Variants in PRKCE observed in about 807,000 individuals in gnomAD.
PRKCE encodes protein kinase C epsilon type.
Under a neutral mutation model 85.4 loss-of-function variants are expected in PRKCE, and 16 were observed. The observed-to-expected ratio is 0.19, with a 90% CI of 0.13 to 0.28. The LOEUF (loss-of-function observed/expected upper bound fraction) is 0.28. Among genes scored for constraint, PRKCE ranks in the 10% least tolerant of loss-of-function variants. The pLI, the probability that PRKCE is intolerant of heterozygous loss-of-function variation, is 1.00. For missense variants in PRKCE, 573 were observed against 975.2 expected (o/e 0.59, Z 5.49); for synonymous variants, 388 against 371.5 (o/e 1.04, Z -0.51).
rs397781944 is a variant in PRKCE at position 45,941,065 on chromosome 2, T to TAAAAAAAAAAAAAAAAAAA, written c.413-35360_413-35342dup. 2.4e-4 allele frequency among the ~76,000 whole-genome samples: 16 copies of TAAAAAAAAAAAAAAAAAAA among 67,162 alleles called. 2 individuals carry two copies. In the East Asian group the frequency reaches 8.0e-3, roughly 33 times the overall value. The allele number at this position is 67,162 out of a possible 152,430, so 44.1% of individuals were successfully genotyped here. On this transcript the variant is annotated intron_variant, in intron 2 of 14. Transcript: ENST00000306156. ...TGGGTGACAGAGTGAGACTTCATCC[T>TAAAAAAAAAAAAAAAAAAA]AAAAAAAAAAAAAAAAAAAAAAGAT...
At chr2:45,937,152 C>G (rs1033696460) in intron 2 of PRKCE, among the ~76,000 whole-genome samples, 1 of 152,146 alleles carries the variant, frequency 6.6e-6, no homozygotes, top group East Asian at 1.9e-4. Flanking sequence ...GTTTTTATTA[C>G]TCCTCTAAAA....
intron 1 of PRKCE, among the ~76,000 whole-genome samples, chr2:45,683,250 A>C (rs1366279504): frequency 6.6e-6 from 1 of 152,192 alleles, no homozygotes; most frequent in African/African-American, 2.4e-5. Flanking sequence ...CCTGCAGGTA[A>C]TTCAGTGCCA....
intron 2 of PRKCE, among the ~76,000 whole-genome samples, chr2:45,853,239 G>T (rs535601059): frequency 6.6e-6 from 1 of 152,220 alleles, no homozygotes; most frequent in South Asian, 2.1e-4. Context: ...CCAGGCCTTG[G>T]TTTTTTCATT....
chr2:45,838,567 A>G (rs1691085453), intron 1 of PRKCE, among the ~76,000 whole-genome samples: 1 of 152,116 alleles, frequency 6.6e-6, no homozygotes, highest in African/African-American at 2.4e-5. Context: ...TTTCCCCCAG[A>G]AAGGGTGCAT....
At chr2:45,864,344 CA>C (rs1553434577) in intron 2 of PRKCE, among the ~76,000 whole-genome samples, 2 of 152,220 alleles carry the variant, frequency 1.3e-5, no homozygotes, top group Non-Finnish European at 2.9e-5. Flanking sequence ...GAAAGCCTAA[CA>C]ATAACTGCCC....
intron 10 of PRKCE, among the ~76,000 whole-genome samples, chr2:46,074,274 T>C (rs187628271): frequency 2.6e-5 from 4 of 152,184 alleles, no homozygotes; most frequent in Admixed American, 2.6e-4. Flanking sequence ...TGGTTTTATA[T>C]ACATGAGATT....
rs568026110 is a variant in PRKCE at position 46,174,486 on chromosome 2, G to T, written c.2068-10249G>T. ...AGATGTAAGTGAAAATGTAGATTGGGGCATTTCGTGGCAACTCCAAAGACC... is the reference window on the plus strand; with the variant it reads ...AGATGTAAGTGAAAATGTAGATTGGTGCATTTCGTGGCAACTCCAAAGACC... On this transcript the variant is annotated intron_variant, in intron 14 of 14. Transcript: ENST00000306156. Among the ~76,000 whole-genome samples, 3 of 152,246 alleles carry T rather than the reference G, an allele frequency of 2.0e-5. No homozygotes were observed. In the East Asian group the frequency reaches 5.8e-4, roughly 29 times the overall value.
chr2:45,943,949 G>A (rs889389195), intron 2 of PRKCE, among the ~76,000 whole-genome samples: 1 of 152,348 alleles, frequency 6.6e-6, no homozygotes, highest in Admixed American at 6.5e-5. Flanking sequence ...GTCCACTCAC[G>A]TGGTTTTACA....
chr2:45,733,031 C>G (rs1218367594), intron 1 of PRKCE, among the ~76,000 whole-genome samples: 3 of 152,240 alleles, frequency 2.0e-5, no homozygotes, highest in African/African-American at 7.2e-5. Flanking sequence ...AGTGCAAAAG[C>G]AGCCATAGAC....
chr2:45,942,019 A>C (rs1343735571), intron 2 of PRKCE, among the ~76,000 whole-genome samples: 1 of 152,240 alleles, frequency 6.6e-6, no homozygotes, highest in Non-Finnish European at 1.5e-5. Flanking sequence ...CTGTCAAAGC[A>C]CATGCTTAGA....
intron 10 of PRKCE, among the ~76,000 whole-genome samples, chr2:46,020,042 G>T (rs1006051041): frequency 4.6e-5 from 7 of 151,908 alleles, no homozygotes; most frequent in Admixed American, 1.3e-4. Context: ...TAGAAATGGG[G>T]TTTTACCATG....
intron 2 of PRKCE, among the ~76,000 whole-genome samples, chr2:45,928,320 T>G (rs1366473241): frequency 6.6e-6 from 1 of 152,240 alleles, no homozygotes; most frequent in Non-Finnish European, 1.5e-5. Flanking sequence ...CAGGCTGGAG[T>G]GCAGTGGTGC....
At chr2:46,125,214 T>A (rs1673729737) in intron 11 of PRKCE, among the ~76,000 whole-genome samples, 1 of 152,202 alleles carries the variant, frequency 6.6e-6, no homozygotes, top group South Asian at 2.1e-4. Flanking sequence ...TGATGGTCAG[T>A]ACTATAGTTC....
intron 11 of PRKCE, among the ~76,000 whole-genome samples, chr2:46,102,565 C>T (rs1327156777): frequency 6.6e-6 from 1 of 152,122 alleles, no homozygotes; most frequent in Non-Finnish European, 1.5e-5. Context: ...TACCTAATGC[C>T]TTCTTGTCGT....
intron 13 of PRKCE, among the ~76,000 whole-genome samples, chr2:46,151,706 G>A (rs895443026): frequency 2.0e-5 from 3 of 152,240 alleles, no homozygotes; most frequent in Admixed American, 1.3e-4. Flanking sequence ...CAGCATCACT[G>A]TGGCTCAAGA....
At chr2:46,151,324 C>CAT in intron 13 of PRKCE, 95 bp downstream of exon 13, 1 of 1,127,320 alleles carries the variant, frequency 8.9e-7, no homozygotes, top group Non-Finnish European at 1.3e-6. Flanking sequence ...CACACACACA[C>CAT]TCCCTTCTCC....
chr2:45,659,748 C>T (rs892542044), intron 1 of PRKCE, among the ~76,000 whole-genome samples: 16 of 152,086 alleles, frequency 1.1e-4, no homozygotes, highest in Admixed American at 9.8e-4. Flanking sequence ...AGTCTTCGCT[C>T]AGATGTTATG....
intron 2 of PRKCE, among the ~76,000 whole-genome samples, chr2:45,893,407 G>A (rs112487882): frequency 7.0e-6 from 1 of 142,642 alleles, no homozygotes; most frequent in African/African-American, 2.6e-5. Flanking sequence ...TTGCCCTCTC[G>A]CCCAAGCTGG....
chr2:45,705,022 G>A (rs933730487), intron 1 of PRKCE, among the ~76,000 whole-genome samples: 16 of 152,170 alleles, frequency 1.1e-4, no homozygotes, highest in African/African-American at 3.9e-4. Flanking sequence ...GAGCTGTGGG[G>A]CACAGATGAG....
Sources: allele counts gnomAD v4.1 joint callset (sites outside exome capture counted in the v4.1 genomes callset), GRCh38; gene constraint gnomAD v4.1.1; transcripts MANE v1.5; gene names NCBI Gene and HGNC (gene_info 2026-07-23, HGNC 2026-07-21).